The following GLP1R variants were observed in gnomAD, a reference collection of about 807,000 sequenced individuals.
The protein encoded by GLP1R is glucagon-like peptide 1 receptor.
Under a neutral mutation model 68.4 loss-of-function variants are expected in GLP1R, and 32 were observed. That is an observed-to-expected ratio of 0.47 (90% CI 0.35 to 0.63). The LOEUF (loss-of-function observed/expected upper bound fraction) is 0.63. GLP1R is among the 20% of genes least tolerant of loss of function. The probability of loss-of-function intolerance (pLI) is 0.00; values close to 1 mark genes in which losing one functional copy is unlikely to be tolerated. For synonymous variants in GLP1R, 263 were observed against 244.4 expected (o/e 1.08, Z -0.71); for missense variants, 502 against 594.9 (o/e 0.84, Z 1.62).
At chr6:39,080,423 C>G (rs9296288) in intron 11 of GLP1R, among the ~76,000 whole-genome samples, 69,865 of 152,064 alleles carry the variant, frequency 0.46, 16,429 homozygotes, top group Admixed American at 0.51. Flanking sequence ...AGCTTCTGAG[C>G]AGGGTCTCCT....
intron 3 of GLP1R, among the ~76,000 whole-genome samples, chr6:39,061,707 G>A (rs1266454390): frequency 6.6e-6 from 1 of 152,172 alleles, no homozygotes; most frequent in Non-Finnish European, 1.5e-5. Flanking sequence ...CACTTCACAT[G>A]CTTTATCTTC....
rs201275408 is a variant in GLP1R at position 39,086,336 on chromosome 6, C to T, written c.*263C>T. ...CACAGTGGCGAGAGGAGAGGAAAAACGATCGCTGTGAAAATGAGGAGGATT... is the reference window on the plus strand; with the variant it reads ...CACAGTGGCGAGAGGAGAGGAAAAATGATCGCTGTGAAAATGAGGAGGATT... On this transcript the variant is annotated 3_prime_UTR_variant, in exon 13 of 13. Transcript: ENST00000373256. This position sits in a 1 kb window ranked among gnomAD's most constrained non-coding sequence, Gnocchi z 4.5. 8 of 391,788 alleles carry T rather than the reference C, an allele frequency of 2.0e-5. No homozygotes were observed. The highest frequency in any genetic ancestry group is 7.2e-5 in the South Asian group (1 of 13,854). The allele number at this position is 391,788 out of a possible 1,614,324, so 24.3% of individuals were successfully genotyped here.
chr6:39,079,681 G>A lies in GLP1R; in HGVS notation c.1161G>A (p.Glu387=). 4 of 1,612,866 alleles carry A rather than the reference G, an allele frequency of 2.5e-6. No homozygotes were observed. Among genetic ancestry groups the A allele is most frequent in the Non-Finnish European group, 3.4e-6 (4 of 1,179,422 alleles). ...GTLRFIKLFT[E]LSFTSFQGLM... ...TGCGCTTCATCAAGCTGTTTACAGA[G>A]CTCTCCTTCACCTCCTTCCAGGTGA... Residue 387 remains glutamate (E), a synonymous_variant, in exon 11 of 13, where the codon GAG becomes GAA. Transcript: ENST00000373256. The surrounding 1 kb of genome is among the most constrained non-coding windows in gnomAD (Gnocchi z 4.5).
intron 3 of GLP1R, among the ~76,000 whole-genome samples, chr6:39,062,306 C>T (rs867513186): frequency 2.0e-5 from 3 of 152,198 alleles, no homozygotes; most frequent in South Asian, 2.1e-4. Flanking sequence ...ACCAGCTCCT[C>T]CCAAGTCAGA....
rs1400402182 is a variant in GLP1R at position 39,088,719 on chromosome 6, A to G, written c.*2646A>G. ...TTATATTGCAAAGTTCCTTCCCTTT[A>G]AAATGAGCTTCTGGATTGCAGAGAT... On this transcript the variant is annotated 3_prime_UTR_variant, in exon 13 of 13. Coordinates refer to ENST00000373256, the MANE Select transcript of GLP1R (RefSeq NM_002062.5). Among the ~76,000 whole-genome samples, 3 of 152,216 alleles carry G rather than the reference A, an allele frequency of 2.0e-5. No individual in the cohort carries two copies. The highest frequency in any genetic ancestry group is 4.8e-5 in the African/African-American group (2 of 41,458).
At chr6:39,084,698 T>G (rs575366998) in intron 12 of GLP1R, among the ~76,000 whole-genome samples, 4 of 152,330 alleles carry the variant, frequency 2.6e-5, no homozygotes, top group African/African-American at 7.2e-5. Context: ...CTTGGGTTCA[T>G]GACGCTGCAT....
intron 12 of GLP1R, among the ~76,000 whole-genome samples, chr6:39,084,243 T>G (rs755394945): frequency 6.6e-5 from 10 of 152,172 alleles, no homozygotes; most frequent in Non-Finnish European, 1.3e-4. Flanking sequence ...AGGGTTGATG[T>G]GAAAGTCAGC....
At chr6:39,061,104 C>A in intron 3 of GLP1R, among the ~76,000 whole-genome samples, 1 of 152,212 alleles carries the variant, frequency 6.6e-6, no homozygotes, top group East Asian at 1.9e-4. Flanking sequence ...GGGGCCAGGC[C>A]ACGGGCCTCG....
rs549656549 is a variant in GLP1R, at chr6:39,049,489, G to A, written c.78+571G>A. On this transcript the variant is annotated intron_variant, in intron 1 of 12. Coordinates refer to ENST00000373256, the MANE Select transcript of GLP1R (RefSeq NM_002062.5). The surrounding 1 kb of genome is among the most constrained non-coding windows in gnomAD (Gnocchi z 4.5). ...TGATTCATGGCTCCTGGGGCCCTGC[G>A]GTGGCAGCTTGTCCTTCCCAGTGAC... is the stretch of plus-strand genomic sequence containing the variant. Among the ~76,000 whole-genome samples, 1 of 152,048 alleles carries A rather than the reference G, an allele frequency of 6.6e-6. No individual in the cohort carries two copies. The highest frequency in any genetic ancestry group is 1.5e-5 in the Non-Finnish European group (1 of 67,992).
intron 5 of GLP1R, among the ~76,000 whole-genome samples, chr6:39,069,022 T>A (rs1314364234): frequency 1.3e-5 from 2 of 152,220 alleles, no homozygotes; most frequent in Non-Finnish European, 2.9e-5. Flanking sequence ...GATTATAAAT[T>A]TCATCTTTCA....
At position 39,063,926 on chromosome 6, in the gene GLP1R, AACAC is replaced by A. The variant is rs530782175; in HGVS notation, c.284-1752_284-1749del. ...CACACACACACACACACAGACACAT[AACAC>A]ACACACACACACACACACACACACA... On this transcript the variant is annotated intron_variant, in intron 3 of 12. Transcript: ENST00000373256. Among the ~76,000 whole-genome samples, 891 of 130,214 alleles carry A rather than the reference AACAC, an allele frequency of 6.8e-3. 12 individuals carry two copies. The highest frequency in any genetic ancestry group is 0.017 in the African/African-American group (582 of 33,486). 85.4% of individuals were successfully genotyped at this position (130,214 alleles called of 152,430 possible).
chr6:39,054,510 G>A (rs965070790), intron 1 of GLP1R, among the ~76,000 whole-genome samples: 12 of 152,280 alleles, frequency 7.9e-5, no homozygotes, highest in Middle Eastern at 3.4e-3. Flanking sequence ...TCCTCAGGGA[G>A]CCCCAGTCTG....
intron 7 of GLP1R, among the ~76,000 whole-genome samples, 190 bp from the exon 8 acceptor site, chr6:39,078,132 G>A (rs1076733): frequency 0.46 from 69,711 of 151,914 alleles, 16,347 homozygotes; most frequent in East Asian, 0.53. Flanking sequence ...AGAGTCTGGG[G>A]GTCCGCATGG....
chr6:39,066,368 G>A, intron 5 of GLP1R, 65 bp downstream of exon 5: 1 of 845,322 alleles, frequency 1.2e-6, no homozygotes, highest in Non-Finnish European at 2.0e-6. Context: ...GAGGAATGAA[G>A]CAGCCCAACA....
chr6:39,090,669 G>A lies in GLP1R; in HGVS notation c.*4596G>A, dbSNP rs1769259667. On this transcript the variant is annotated 3_prime_UTR_variant, in exon 13 of 13. Transcript: ENST00000373256. ...CATTGGGTGGTGCAACCTTTCTGAC[G>A]GGGCCTGCCAAACTATCAGTAATTA... Among the ~76,000 whole-genome samples the A allele has an allele frequency of 6.6e-6, 1 of 152,158 alleles. No homozygotes were observed. The highest frequency in any genetic ancestry group is 2.1e-4 in the South Asian group (1 of 4,826).
Position 39,090,915 on chromosome 6 carries a change from G to C in GLP1R, c.*4842G>C, listed in dbSNP as rs183511248. On this transcript the variant is annotated 3_prime_UTR_variant, in exon 13 of 13. Transcript: ENST00000373256. ...AGCCAGTGCTTGATCTTGCCAAACA[G>C]TTTACACTTTACCTCCAAACCTGCA... 1.3e-5 allele frequency among the ~76,000 whole-genome samples: 2 copies of C among 152,122 alleles called. No individual in the cohort carries two copies. Among genetic ancestry groups the C allele is most frequent in the East Asian group, 3.9e-4 (2 of 5,182 alleles).
chr6:39,078,455 C>T (rs1343185841), intron 8 of GLP1R, 73 bp downstream of exon 8: 4 of 1,017,080 alleles, frequency 3.9e-6, no homozygotes, highest in African/African-American at 1.6e-5. Flanking sequence ...TCCTTGGTAC[C>T]TGGGGCACCC....
chr6:39,056,559 G>A, intron 2 of GLP1R, 66 bp downstream of exon 2: 2 of 827,192 alleles, frequency 2.4e-6, no homozygotes, highest in Non-Finnish European at 4.2e-6. Flanking sequence ...GGACTTTGAT[G>A]AACTCAATGT....
intron 12 of GLP1R, 77 bp downstream of exon 12, chr6:39,080,816 TC>T: frequency 1.2e-6 from 1 of 845,138 alleles, no homozygotes; most frequent in Non-Finnish European, 1.9e-6. Flanking sequence ...CAATGGGGAC[TC>T]CCATCAATCT....
Sources: gnomAD v4.1 joint callset for allele counts (sites outside exome capture counted in the v4.1 genomes callset) on GRCh38, gnomAD v4.1.1 for gene constraint, Gnocchi (gnomAD v3.1) non-coding constraint, MANE v1.5 for transcripts, NCBI Gene and HGNC (gene_info 2026-07-23, HGNC 2026-07-21) for gene names.